RFX4: variants seen among roughly 807,000 people sequenced by gnomAD.
RFX4 encodes regulatory factor X4, also known as transcription factor RFX4.
A neutral mutation model predicts 95.0 loss-of-function variants in RFX4; 10 were observed. The observed-to-expected ratio is 0.11, with a 90% confidence interval of 0.06 to 0.18. The LOEUF is 0.18. Ranked by LOEUF, RFX4 falls within the 10% of genes least tolerant of loss-of-function variation. RFX4 has a pLI of 1.00. For synonymous variants in RFX4, 321 were observed against 340.7 expected, an observed-to-expected ratio of 0.94 and a Z score of 0.64; for missense variants, 640 against 922.0, an observed-to-expected ratio of 0.69 and a Z score of 3.96.
At chr12:106,619,718 A>G (rs1185067616) in intron 2 of RFX4, among the ~76,000 whole-genome samples, 3 of 152,140 alleles carry the variant, frequency 2.0e-5, no homozygotes, top group Non-Finnish European at 4.4e-5. Flanking sequence ...TTACATGAAT[A>G]TTAGACTTTT....
At chr12:106,693,748 G>A (rs78430677) in intron 7 of RFX4, among the ~76,000 whole-genome samples, 14,940 of 152,194 alleles carry the variant, frequency 0.098, 935 homozygotes, top group Middle Eastern at 0.15. Context: ...ATAGGTGAGC[G>A]GAGCCACAGT....
At chr12:106,664,352 T>G (rs1054784387) in intron 4 of RFX4, among the ~76,000 whole-genome samples, 1 of 151,898 alleles carries the variant, frequency 6.6e-6, no homozygotes, top group African/African-American at 2.4e-5. Flanking sequence ...GAGTTATTTA[T>G]AGTATTCCTT....
chr12:106,707,224 A>C (rs1017114832), intron 8 of RFX4, among the ~76,000 whole-genome samples: 1 of 152,186 alleles, frequency 6.6e-6, no homozygotes, highest in East Asian at 1.9e-4. Flanking sequence ...AATAGAGTTC[A>C]TACTGAAATA....
intron 2 of RFX4, among the ~76,000 whole-genome samples, chr12:106,612,176 T>C (rs1257619226): frequency 1.3e-5 from 2 of 152,226 alleles, no homozygotes; most frequent in Non-Finnish European, 1.5e-5. Context: ...AGGTGTTGCA[T>C]TGAATCTGTA....
At chr12:106,734,412 A>C (rs1489219204) in intron 15 of RFX4, among the ~76,000 whole-genome samples, 1 of 152,018 alleles carries the variant, frequency 6.6e-6, no homozygotes, top group African/African-American at 2.4e-5. Flanking sequence ...CCTGGCCAAC[A>C]TGGTGAAACC....
rs554073622 is a variant in RFX4 at position 106,680,802 on chromosome 12, G to A, written c.316-1191G>A. 2 of 152,312 alleles carry A rather than the reference G, an allele frequency of 1.3e-5. 1 individual carries two copies. Among genetic ancestry groups the A allele is most frequent in the African/African-American group, 4.8e-5 (2 of 41,560 alleles). 9.4% of individuals were successfully genotyped at this position (152,312 alleles called of 1,614,324 possible). A position where few individuals can be genotyped will look rare whatever the true frequency, so the allele number is the denominator to read the frequency against. On this transcript the variant is annotated intron_variant, in intron 4 of 17. Transcript: ENST00000392842. The stretch of plus-strand genomic sequence containing the variant: ...TTATTAAGTACTTACTAACTGCCAG[G>A]CACTACTGCCAGCTATTTACATACA...
At chr12:106,726,109 C>T (rs2042490704) in intron 13 of RFX4, among the ~76,000 whole-genome samples, 1 of 151,782 alleles carries the variant, frequency 6.6e-6, no homozygotes, top group South Asian at 2.1e-4. Context: ...ATTAGCCGGG[C>T]ATGTTGGCAC....
chr12:106,663,739 C>T, intron 4 of RFX4, among the ~76,000 whole-genome samples: 1 of 150,682 alleles, frequency 6.6e-6, no homozygotes. Flanking sequence ...ACCCTTTATT[C>T]CTAGTTTGCA....
Position 106,720,976 on chromosome 12 carries a change from C to A in RFX4, c.1351+100C>A. The stretch of plus-strand genomic sequence containing the variant: ...GTCTAACTTGCTGTTTCTGCAAGGT[C>A]ATCACCCTGAAACACATCTCTTCTG... On this transcript the variant is annotated intron_variant, in intron 13 of 17. Transcript: ENST00000392842. This position sits in a 1 kb window ranked among gnomAD's most constrained non-coding sequence, Gnocchi z 4.2. 1 of 992,620 alleles carries A rather than the reference C, an allele frequency of 1.0e-6. No homozygotes were observed. Among genetic ancestry groups the A allele is most frequent in the Non-Finnish European group, 1.6e-6 (1 of 630,830 alleles). 61.5% of individuals were successfully genotyped at this position (992,620 alleles called of 1,614,324 possible).
intron 15 of RFX4, chr12:106,733,331 A>T (rs936692160): frequency 2.7e-6 from 1 of 366,620 alleles, no homozygotes; most frequent in Non-Finnish European, 4.9e-6. Context: ...AAAAAGAAAA[A>T]CAGGGCTTTC....
intron 2 of RFX4, among the ~76,000 whole-genome samples, chr12:106,619,032 T>C (rs1482470619): frequency 6.6e-6 from 1 of 152,216 alleles, no homozygotes; most frequent in Non-Finnish European, 1.5e-5. Context: ...CATCACATTT[T>C]AACCTCATTT....
At chr12:106,600,991 G>A (rs1481158125) in intron 1 of RFX4, 7 of 444,464 alleles carry the variant, frequency 1.6e-5, no homozygotes, top group Non-Finnish European at 3.5e-6. Flanking sequence ...CAGAGACCTT[G>A]TCTGCCATGT....
chr12:106,656,847 A>G (rs1303488484), intron 4 of RFX4, among the ~76,000 whole-genome samples: 4 of 152,198 alleles, frequency 2.6e-5, no homozygotes, highest in Admixed American at 2.6e-4. Flanking sequence ...TTCCTCCCTA[A>G]GAATTATAGT....
intron 7 of RFX4, among the ~76,000 whole-genome samples, chr12:106,690,072 G>A (rs755980538): frequency 1.3e-5 from 2 of 152,164 alleles, no homozygotes; most frequent in African/African-American, 2.4e-5. Flanking sequence ...TTTGGTGTGT[G>A]TGTTGTGGGA....
chr12:106,674,172 C>T (rs2041345973), intron 4 of RFX4, among the ~76,000 whole-genome samples: 1 of 152,228 alleles, frequency 6.6e-6, no homozygotes, highest in South Asian at 2.1e-4. Flanking sequence ...GACAAGCTCC[C>T]ACCCAGGTCC....
intron 8 of RFX4, among the ~76,000 whole-genome samples, chr12:106,697,676 G>A (rs900998289): frequency 1.1e-4 from 17 of 152,000 alleles, no homozygotes; most frequent in Admixed American, 1.1e-3. Flanking sequence ...AATCCTTGGT[G>A]TTTCTTGGCT....
chr12:106,673,915 T>C, intron 4 of RFX4, among the ~76,000 whole-genome samples: 1 of 152,306 alleles, frequency 6.6e-6, no homozygotes, highest in South Asian at 2.1e-4. Context: ...TCCTTGCCCC[T>C]AAGTCAGTTC....
intron 15 of RFX4, among the ~76,000 whole-genome samples, chr12:106,746,161 G>A (rs1279722532): frequency 6.6e-6 from 1 of 152,078 alleles, no homozygotes; most frequent in Non-Finnish European, 1.5e-5. Context: ...TTCGAGACCA[G>A]CCTGACCAAC....
intron 15 of RFX4, among the ~76,000 whole-genome samples, chr12:106,739,668 A>T (rs1251939963): frequency 6.6e-6 from 1 of 152,146 alleles, no homozygotes; most frequent in African/African-American, 2.4e-5. Context: ...CTAAAATTAA[A>T]CCTGATATAT....
Sources: gnomAD v4.1 joint callset for allele counts (sites outside exome capture counted in the v4.1 genomes callset) on GRCh38, gnomAD v4.1.1 for gene constraint, Gnocchi (gnomAD v3.1) non-coding constraint, MANE v1.5 for transcripts, NCBI Gene and HGNC (gene_info 2026-07-23, HGNC 2026-07-21) for gene names.